RBBP6: variants seen among roughly 807,000 people sequenced by gnomAD.
RBBP6 encodes E3 ubiquitin-protein ligase RBBP6.
In RBBP6, 25 loss-of-function variants were observed where a neutral mutation model predicts 167.7. The ratio of observed to expected loss-of-function variants is 0.15; its 90% CI spans 0.11 to 0.21. The LOEUF (loss-of-function observed/expected upper bound fraction) is 0.21, where lower values mean the gene tolerates loss of function less well. Ranked by LOEUF, RBBP6 falls within the 10% of genes least tolerant of loss-of-function variation. The pLI is 1.00. For missense variants in RBBP6, 1,868 were observed against 2,134.2 expected, an observed-to-expected ratio of 0.88 and a Z score of 2.46; for synonymous variants, 789 against 735.8, an observed-to-expected ratio of 1.07 and a Z score of -1.17.
intron 1 of RBBP6, 136 bp from the exon 2 acceptor site, chr16:24,546,027 G>A (rs1898636104): frequency 7.6e-7 from 1 of 1,321,184 alleles, no homozygotes; most frequent in African/African-American, 1.5e-5. Flanking sequence ...GACAATATCA[G>A]TAATCTAGTT....
chr16:24,545,320 C>G (rs9937315), intron 1 of RBBP6, among the ~76,000 whole-genome samples: 22,194 of 152,188 alleles, frequency 0.15, 1,849 homozygotes, highest in East Asian at 0.25. Context: ...GATCCGCCCC[C>G]CTCAGCCTCC....
At chr16:24,546,820 G>T (rs550767076) in intron 2 of RBBP6, among the ~76,000 whole-genome samples, 1 of 152,276 alleles carries the variant, frequency 6.6e-6, no homozygotes, top group Admixed American at 6.5e-5. Flanking sequence ...CTGTGCCTCA[G>T]ATTCCTCAAA....
chr16:24,549,140 A>C lies in RBBP6; in HGVS notation c.303+159A>C, dbSNP rs1161407500. On this transcript the variant is annotated intron_variant, in intron 3 of 17. Transcript: ENST00000319715. ...GACAGCTCAGTTGAATATGGATAAT[A>C]TGTGGCATCACTTGCACACTTATTT... 11 of 1,472,260 alleles carry C rather than the reference A, an allele frequency of 7.5e-6. No individual in the cohort carries two copies. The African/African-American group carries it at 1.6e-4, about 21-fold the overall frequency. 91.2% of individuals were successfully genotyped at this position (1,472,260 alleles called of 1,614,324 possible).
Position 24,560,107 on chromosome 16 carries a change from TTTTG to T in RBBP6, c.847+434_847+437del, listed in dbSNP as rs1243001064. ...TTAACACCTGATTCCTGTAGACAGTTTTTGTTTTTTTTTTTTTTTTTTGAGACAG... is the reference window on the plus strand; with the variant it reads ...TTAACACCTGATTCCTGTAGACAGTTTTTTTTTTTTTTTTTTTTGAGACAG... On this transcript the variant is annotated intron_variant, in intron 8 of 17. Transcript: ENST00000319715. Among the ~76,000 whole-genome samples the T allele has an allele frequency of 4.2e-4, 56 of 133,864 alleles. 4 individuals carry two copies. Among genetic ancestry groups the T allele is most frequent in the East Asian group, 1.3e-3 (6 of 4,586 alleles). 87.8% of individuals were successfully genotyped at this position (133,864 alleles called of 152,430 possible). A position where few individuals can be genotyped will look rare whatever the true frequency, so the allele number is the denominator to read the frequency against.
intron 7 of RBBP6, among the ~76,000 whole-genome samples, chr16:24,558,688 G>A (rs1898976434): frequency 6.6e-6 from 1 of 152,220 alleles, no homozygotes; most frequent in South Asian, 2.1e-4. Context: ...AAGCAGTGGT[G>A]ACAAGTCTGA....
intron 13 of RBBP6, 35 bp from the exon 14 acceptor site, chr16:24,564,761 GA>G (rs748115239): frequency 5.6e-6 from 9 of 1,605,910 alleles, no homozygotes; most frequent in Non-Finnish European, 6.8e-6. Context: ...TACCCATGGA[GA>G]AATACTTGAG....
chr16:24,570,139 A>G lies in RBBP6; in HGVS notation c.3449A>G (p.Lys1150Arg). 1.3e-6 allele frequency: 2 copies of G among 1,587,314 alleles called. No homozygotes were observed. Among genetic ancestry groups the G allele is most frequent in the South Asian group, 2.4e-5 (2 of 84,920 alleles). The change falls in exon 17 of 18, where the codon AAA (lysine) becomes AGA (arginine). Residue 1150 changes from lysine (K) to arginine (R), a missense_variant. Physicochemically the swap from Lys to Arg is conservative, Grantham distance 26. Around this residue, in one of 7 missense-constraint regions of RBBP6, gnomAD observed 673 missense variants for 691.5 expected, o/e 0.97. Transcript: ENST00000319715. ...LDNKGEKRKR[K>R]TEEKGVDKDF... is the part of the protein sequence containing the mutation. ...AATAAGGGAGAAAAAAGAAAAAGAA[A>G]AACTGAAGAAAAAGGCGTAGATAAA...
Position 24,546,614 on chromosome 16 carries a change from A to G in RBBP6, c.266+352A>G, listed in dbSNP as rs139376052. ...CTTCACTACAAAAATTTGGTGTTGT[A>G]GACATCGGTCCTAAATATTTTGACA... On this transcript the variant is annotated intron_variant, in intron 2 of 17. Transcript: ENST00000319715. Among the ~76,000 whole-genome samples the G allele has an allele frequency of 1.1e-3, 175 of 152,302 alleles. 1 individual carries two copies. Among genetic ancestry groups the G allele is most frequent in the Middle Eastern group, 3.4e-3 (1 of 294 alleles).
chr16:24,568,499 C>T (rs897236696), intron 16 of RBBP6, among the ~76,000 whole-genome samples: 4 of 152,142 alleles, frequency 2.6e-5, no homozygotes, highest in Admixed American at 6.5e-5. Flanking sequence ...TCATATAACT[C>T]ACGGTACATT....
chr16:24,559,188 C>CTT (rs1898989398), intron 7 of RBBP6, among the ~76,000 whole-genome samples: 1 of 152,062 alleles, frequency 6.6e-6, no homozygotes, highest in East Asian at 1.9e-4. Flanking sequence ...GTCTTTGTCA[C>CTT]TTAAATAGAA....
chr16:24,570,930 A>G lies in RBBP6; in HGVS notation c.3864A>G (p.Thr1288=). The G allele has an allele frequency of 1.3e-6, 2 of 1,596,834 alleles. No homozygotes were observed. The highest frequency in any genetic ancestry group is 1.7e-6 in the Non-Finnish European group (2 of 1,167,250). Residue 1288 remains threonine, a synonymous_variant, in exon 18 of 18, where the codon ACA becomes ACG. Transcript: ENST00000319715. ...PVRKSEEKTD[T]KRTVIKTMEE... is the part of the protein sequence containing the mutation. Reference sequence around the variant, plus strand: ...GGAAATCTGAAGAAAAAACAGATACAAAGCGAACTGTGATTAAAACGATGG... The same window carrying G: ...GGAAATCTGAAGAAAAAACAGATACGAAGCGAACTGTGATTAAAACGATGG...
chr16:24,567,960 TG>T, intron 16 of RBBP6, 67 bp downstream of exon 16: 1 of 1,333,056 alleles, frequency 7.5e-7, no homozygotes. Flanking sequence ...GGATTAGCTA[TG>T]GATATAAAGA....
intron 14 of RBBP6, among the ~76,000 whole-genome samples, chr16:24,565,082 A>G (rs1899161050): frequency 6.6e-6 from 1 of 152,192 alleles, no homozygotes. Flanking sequence ...CATTTTTAAT[A>G]TTCCTTCCCA....
At chr16:24,552,471 G>T (rs573866548) in intron 3 of RBBP6, among the ~76,000 whole-genome samples, 1 of 151,808 alleles carries the variant, frequency 6.6e-6, no homozygotes. Flanking sequence ...CACTTACTAC[G>T]TAGGAAGCTG....
At position 24,562,161 on chromosome 16, in the gene RBBP6, G is replaced by C. The variant is rs866933428; in HGVS notation, c.1289G>C (p.Arg430Pro). 2 of 1,597,050 alleles carry C rather than the reference G, an allele frequency of 1.3e-6. No individual in the cohort carries two copies. The highest frequency in any genetic ancestry group is 1.7e-6 in the Non-Finnish European group (2 of 1,167,226). The change falls in exon 10 of 18, where the codon CGG becomes CCG. Residue 430 changes from arginine (R) to proline (P), a missense_variant and splice_region_variant. By Grantham distance (103) the Arg-to-Pro change is moderately radical. Around this residue, in one of 7 missense-constraint regions of RBBP6, gnomAD observed 245 missense variants for 240.1 expected, o/e 1.02. Coordinates refer to ENST00000319715, the MANE Select transcript of RBBP6 (RefSeq NM_006910.5). ...TCAGAAAAATCAGATGGACCTTTTC[G>C]GTAAGCCTGTGTGTTTTTCACTGTT... is the stretch of plus-strand genomic sequence containing the variant. ...VHSEKSDGPF[R>P]DSDNKILPAA... is the part of the protein sequence containing the mutation.
In RBBP6 at chr16:24,570,912, T is replaced by A; in HGVS notation, c.3846T>A (p.Ser1282=). The A allele has an allele frequency of 1.3e-6, 2 of 1,584,244 alleles. No individual in the cohort carries two copies. Among genetic ancestry groups the A allele is most frequent in the Non-Finnish European group, 1.7e-6 (2 of 1,159,502 alleles). Residue 1282 remains serine, a synonymous_variant, in exon 18 of 18, where the codon TCT becomes TCA. Transcript: ENST00000319715. ...CTGGAGGCAGTCCTGTGCGGAAATC[T>A]GAAGAAAAAACAGATACAAAGCGAA... ...SSTGGSPVRK[S]EEKTDTKRTV...
Position 24,568,656 on chromosome 16 carries a change from C to T in RBBP6, c.2055-89C>T, listed in dbSNP as rs564710982. 3.1e-5 allele frequency: 45 copies of T among 1,461,572 alleles called. 1 individual carries two copies. The Middle Eastern group carries it at 1.0e-3, about 33-fold the overall frequency. 90.5% of individuals were successfully genotyped at this position (1,461,572 alleles called of 1,614,324 possible). ...AATTTGATATAAAGATAGATGAAACCGTGAGGAAAGAATGCTAGAATCTGA... is the reference window on the plus strand; with the variant it reads ...AATTTGATATAAAGATAGATGAAACTGTGAGGAAAGAATGCTAGAATCTGA... On this transcript the variant is annotated intron_variant, in intron 16 of 17. Coordinates refer to ENST00000319715, the MANE Select transcript of RBBP6 (RefSeq NM_006910.5).
At chr16:24,546,375 C>A in intron 2 of RBBP6, 113 bp downstream of exon 2, 1 of 1,219,338 alleles carries the variant, frequency 8.2e-7, no homozygotes, top group Non-Finnish European at 1.1e-6. Context: ...TTAATGAATA[C>A]ATCTTCTCAA....
intron 3 of RBBP6, 131 bp downstream of exon 3, chr16:24,549,112 G>T: frequency 6.6e-7 from 1 of 1,511,564 alleles, no homozygotes. Flanking sequence ...AATGTATTTT[G>T]ATGACAGCTC....
Sources: allele counts gnomAD v4.1 joint callset (sites outside exome capture counted in the v4.1 genomes callset), GRCh38; gene constraint gnomAD v4.1.1; regional missense constraint gnomAD v4.1.1; transcripts MANE v1.5; gene names NCBI Gene and HGNC (gene_info 2026-07-23, HGNC 2026-07-21).